Variants in PRKG2 observed in about 807,000 individuals in gnomAD.
The protein encoded by PRKG2 is cGMP-dependent protein kinase 2.
PRKG2 carries 33 observed loss-of-function variants against 97.2 expected under a neutral mutation model. That is an observed-to-expected ratio of 0.34 (90% CI 0.26 to 0.45). The LOEUF (loss-of-function observed/expected upper bound fraction) is 0.45, where lower values mean the gene tolerates loss of function less well. Ranked by LOEUF, PRKG2 falls within the 20% of genes least tolerant of loss-of-function variation. PRKG2 has a pLI of 1.00. For synonymous variants in PRKG2, 330 were observed against 321.8 expected (o/e 1.03, Z -0.27); for missense variants, 638 against 900.0 (o/e 0.71, Z 3.73).
chr4:81,192,417 C>T (rs575150332), intron 2 of PRKG2, among the ~76,000 whole-genome samples: 1 of 152,128 alleles, frequency 6.6e-6, no homozygotes, highest in African/African-American at 2.4e-5. Flanking sequence ...TTTTTGTGTA[C>T]TTCAATTAAA....
intron 14 of PRKG2, among the ~76,000 whole-genome samples, chr4:81,113,191 C>A (rs914178311): frequency 6.6e-6 from 1 of 152,078 alleles, no homozygotes; most frequent in Admixed American, 6.6e-5. Context: ...GTTTGTAAAC[C>A]ACAGAAATAA....
intron 3 of PRKG2, among the ~76,000 whole-genome samples, chr4:81,174,486 T>C (rs1750751186): frequency 6.6e-6 from 1 of 152,016 alleles, no homozygotes; most frequent in Non-Finnish European, 1.5e-5. Context: ...TGAGACATAG[T>C]CCATGTTAGT....
chr4:81,092,475 AGG>A, intron 17 of PRKG2, 23 bp from the exon 18 acceptor site: 1 of 816,300 alleles, frequency 1.2e-6, no homozygotes, highest in Non-Finnish European at 2.0e-6. Flanking sequence ...AAAGGAAGGA[AGG>A]AAGGAAGGAA....
rs1748443455 is a variant in PRKG2, at chr4:81,151,947, T to C, written c.1085+13A>G. 6.3e-7 allele frequency: 1 copy of C among 1,575,398 alleles called. No individual in the cohort carries two copies. On this transcript the variant is annotated intron_variant, in intron 8 of 18. Transcript: ENST00000264399. ...ATTTTATCCAAAGTATGGCATATAA[T>C]TCATGAATTCACCTGATAAGAGCTT...
intron 14 of PRKG2, among the ~76,000 whole-genome samples, chr4:81,126,368 T>A (rs1304059082): frequency 6.6e-6 from 1 of 152,236 alleles, no homozygotes; most frequent in Non-Finnish European, 1.5e-5. Flanking sequence ...GTAGAACGAT[T>A]TATAATACTT....
intron 1 of PRKG2, among the ~76,000 whole-genome samples, chr4:81,207,410 C>A (rs140728587): frequency 5.7e-4 from 87 of 152,294 alleles, no homozygotes; most frequent in African/African-American, 1.8e-3. Context: ...ATTAAACTAA[C>A]AACTAACTCA....
intron 10 of PRKG2, among the ~76,000 whole-genome samples, chr4:81,143,809 C>T (rs1337589519): frequency 6.6e-6 from 1 of 152,076 alleles, no homozygotes; most frequent in East Asian, 1.9e-4. Flanking sequence ...ATCACTATTA[C>T]TACATTTAGA....
chr4:81,193,814 T>C (rs1752764875), intron 2 of PRKG2, among the ~76,000 whole-genome samples: 1 of 152,164 alleles, frequency 6.6e-6, no homozygotes, highest in Non-Finnish European at 1.5e-5. Context: ...CACTCCAGCC[T>C]AGGCAACAGA....
chr4:81,127,196 T>C (rs1745678699), intron 14 of PRKG2, among the ~76,000 whole-genome samples: 1 of 152,210 alleles, frequency 6.6e-6, no homozygotes, highest in African/African-American at 2.4e-5. Flanking sequence ...GCATTATTTC[T>C]GAGGCCTCTG....
At chr4:81,125,332 C>T (rs1266716405) in intron 14 of PRKG2, among the ~76,000 whole-genome samples, 1 of 152,088 alleles carries the variant, frequency 6.6e-6, no homozygotes, top group South Asian at 2.1e-4. Context: ...TTCTCAGAGA[C>T]GACCATTGTA....
intron 17 of PRKG2, among the ~76,000 whole-genome samples, chr4:81,101,860 T>C (rs553032887): frequency 6.6e-6 from 1 of 152,276 alleles, no homozygotes; most frequent in Non-Finnish European, 1.5e-5. Flanking sequence ...TTTTTGTTTG[T>C]TTGTTTGTTT....
At chr4:81,154,781 C>A (rs992114034) in intron 6 of PRKG2, among the ~76,000 whole-genome samples, 3 of 152,202 alleles carry the variant, frequency 2.0e-5, no homozygotes, top group Non-Finnish European at 4.4e-5. Flanking sequence ...ATGACTTTGA[C>A]GAGCTGCGAG....
intron 8 of PRKG2, among the ~76,000 whole-genome samples, chr4:81,151,701 AC>A (rs1262036636): frequency 1.3e-5 from 2 of 152,100 alleles, no homozygotes; most frequent in South Asian, 4.1e-4. Flanking sequence ...CTTTTCTCAG[AC>A]CCTTTTTTGA....
intron 14 of PRKG2, among the ~76,000 whole-genome samples, chr4:81,115,494 C>T (rs1156402069): frequency 6.6e-6 from 1 of 152,184 alleles, no homozygotes; most frequent in African/African-American, 2.4e-5. Context: ...TGCCAAGCTT[C>T]ACAAAAAGTT....
chr4:81,209,910 A>G (rs1753878576), intron 1 of PRKG2, among the ~76,000 whole-genome samples: 1 of 152,136 alleles, frequency 6.6e-6, no homozygotes, highest in South Asian at 2.1e-4. Context: ...CCAGAGGTAG[A>G]CCTAAACAGT....
At chr4:81,121,677 G>A (rs1022332933) in intron 14 of PRKG2, among the ~76,000 whole-genome samples, 4 of 152,042 alleles carry the variant, frequency 2.6e-5, no homozygotes, top group African/African-American at 9.7e-5. Flanking sequence ...TGGAATTCAT[G>A]TGCCCTCTTT....
At chr4:81,127,934 T>C (rs900623834) in intron 14 of PRKG2, among the ~76,000 whole-genome samples, 3 of 152,236 alleles carry the variant, frequency 2.0e-5, no homozygotes, top group African/African-American at 7.2e-5. Flanking sequence ...TGCTTCCAGC[T>C]TTTGTCCATT....
At chr4:81,202,577 A>G (rs1380399057) in intron 2 of PRKG2, among the ~76,000 whole-genome samples, 2 of 152,178 alleles carry the variant, frequency 1.3e-5, no homozygotes, top group African/African-American at 2.4e-5. Flanking sequence ...TATCCTGACC[A>G]CAACACAGAC....
chr4:81,123,289 A>T (rs1199230689), intron 14 of PRKG2, among the ~76,000 whole-genome samples: 1 of 152,218 alleles, frequency 6.6e-6, no homozygotes, highest in African/African-American at 2.4e-5. Context: ...TTGGCCTTTC[A>T]TGATCATGTG....
Sources: gnomAD v4.1 joint callset for allele counts (sites outside exome capture counted in the v4.1 genomes callset) on GRCh38, gnomAD v4.1.1 for gene constraint, MANE v1.5 for transcripts, NCBI Gene and HGNC (gene_info 2026-07-23, HGNC 2026-07-21) for gene names.